The following MAP1S variants were observed in gnomAD, a reference collection of about 807,000 sequenced individuals.
MAP1S encodes the protein microtubule-associated protein 1S.
In MAP1S, 27 loss-of-function variants were observed where a neutral mutation model predicts 60.9. That is an observed-to-expected ratio of 0.44 (90% confidence interval 0.33 to 0.61). The LOEUF is 0.61. Among genes scored for constraint, MAP1S ranks in the 20% least tolerant of loss-of-function variants. MAP1S has a pLI of 0.03. For synonymous variants in MAP1S, 826 were observed against 694.2 expected (o/e 1.19, Z -2.98); for missense variants, 1,608 against 1,486.6 (o/e 1.08, Z -1.34).
intron 5 of MAP1S, among the ~76,000 whole-genome samples, chr19:17,731,930 G>A (rs1319303673): frequency 6.6e-6 from 1 of 152,228 alleles, no homozygotes; most frequent in Non-Finnish European, 1.5e-5. Context: ...GCCTCCCAAA[G>A]TGCTGGGATT....
rs1220007856 is a variant in MAP1S, at chr19:17,726,332, T to C, written c.948T>C (p.Ala316=). 1 of 1,603,326 alleles carries C rather than the reference T, an allele frequency of 6.2e-7. No individual in the cohort carries two copies. Among genetic ancestry groups the C allele is most frequent in the Non-Finnish European group, 8.5e-7 (1 of 1,178,488 alleles). ...RRKLAERSEV[A]AGGGSWDDRL... is the part of the protein sequence containing the mutation. ...AACTGGCGGAGCGCTCCGAGGTGGC[T>C]GCTGGTGGGGGCTCCTGGGACGACA... Residue 316 remains alanine (A), a synonymous_variant, in exon 5 of 7, where the codon GCT becomes GCC. Coordinates refer to ENST00000324096, the MANE Select transcript of MAP1S (RefSeq NM_018174.6).
At chr19:17,732,351 C>T (rs1245266049) in intron 5 of MAP1S, among the ~76,000 whole-genome samples, 2 of 152,224 alleles carry the variant, frequency 1.3e-5, no homozygotes, top group Admixed American at 6.5e-5. Flanking sequence ...ACCCCCTGAG[C>T]TGGGCAGCAG....
chr19:17,722,533 G>A (rs2080379741), intron 2 of MAP1S, among the ~76,000 whole-genome samples: 1 of 152,138 alleles, frequency 6.6e-6, no homozygotes, highest in African/African-American at 2.4e-5. Context: ...TGGATCACCT[G>A]AGGTCAGGAG....
chr19:17,733,662 C>G (rs2080513477), intron 6 of MAP1S, among the ~76,000 whole-genome samples: 1 of 152,204 alleles, frequency 6.6e-6, no homozygotes. Flanking sequence ...CTCGTGAAGC[C>G]TCATGGTTCT....
Position 17,727,384 on chromosome 19 carries a change from A to G in MAP1S, c.2000A>G (p.Asp667Gly). 6.3e-7 allele frequency: 1 copy of G among 1,592,638 alleles called. No individual in the cohort carries two copies. Among genetic ancestry groups the G allele is most frequent in the Middle Eastern group, 1.7e-4 (1 of 6,014 alleles). ...SPLRGGEAGP[D>G]ASPTVTTPTV... ...CTGCGGGGCGGGGAGGCCGGGCCAG[A>G]CGCCTCACCCACAGTGACCACACCC... The change falls in exon 5 of 7, where the codon GAC (aspartate) becomes GGC (glycine). Residue 667 changes from aspartate to glycine, a missense_variant. Transcript: ENST00000324096. The surrounding 1 kb of genome is among the most constrained non-coding windows in gnomAD (Gnocchi z 4.1).
chr19:17,734,368 C>A lies in MAP1S; in HGVS notation c.3120C>A (p.Gly1040=). 1 of 1,613,752 alleles carries A rather than the reference C, an allele frequency of 6.2e-7. No homozygotes were observed. Among genetic ancestry groups the A allele is most frequent in the Non-Finnish European group, 8.5e-7 (1 of 1,179,984 alleles). The change falls in exon 7 of 7, where the codon GGC becomes GGA. Residue 1040 remains glycine (G), a synonymous_variant. Coordinates refer to ENST00000324096, the MANE Select transcript of MAP1S (RefSeq NM_018174.6). ...RHQALGITVL[G]SNSMVSMQDD... ...AGGCGCTGGGCATCACGGTGTTGGG[C>A]AGCAACAGCATGGTGTCCATGCAGG...
rs758151053 is a variant in MAP1S, at chr19:17,727,651, C to T, written c.2267C>T (p.Ala756Val). Residue 756 changes from alanine (A) to valine (V), a missense_variant, in exon 5 of 7, where the codon GCA (alanine) becomes GTA (valine). By Grantham distance (64) the Ala-to-Val change is moderately conservative. Coordinates refer to ENST00000324096, the MANE Select transcript of MAP1S (RefSeq NM_018174.6). This position sits in a 1 kb window ranked among gnomAD's most constrained non-coding sequence, Gnocchi z 4.1. The part of the protein sequence containing the change: ...EHRKAVPMAP[A>V]PASPGSSNDS... ...CGCAAGGCGGTGCCAATGGCACCGGCACCTGCGTCCCCCGGCAGCTCGAAT... is the reference window on the plus strand; with the variant it reads ...CGCAAGGCGGTGCCAATGGCACCGGTACCTGCGTCCCCCGGCAGCTCGAAT... 2.1e-5 allele frequency: 33 copies of T among 1,608,676 alleles called. No homozygotes were observed. Among genetic ancestry groups the T allele is most frequent in the Non-Finnish European group, 2.8e-5 (33 of 1,179,706 alleles).
At position 17,726,391 on chromosome 19, in the gene MAP1S, T is replaced by TC. The variant is rs1197743491; in HGVS notation, c.1008dup (p.Val337ArgfsTer18). The TC allele has an allele frequency of 6.3e-7, 1 of 1,590,446 alleles. No individual in the cohort carries two copies. Among genetic ancestry groups the TC allele is most frequent in the Non-Finnish European group, 8.5e-7 (1 of 1,175,592 alleles). ...AGGCTCATCTCCCCCAACCTGGGGG[T>TC]CGTGTTCTTCAACGCCTGCGAGGCC... On this transcript the variant is annotated frameshift_variant, in exon 5 of 7. Transcript: ENST00000324096. LOFTEE classifies it high-confidence loss of function.
At position 17,727,170 on chromosome 19, in the gene MAP1S, GCAGCCTGCGGCT is replaced by G. The variant is rs762068993; in HGVS notation, c.1788_1799del (p.Ala597_Ser600del). 1.3e-6 allele frequency: 2 copies of G among 1,584,646 alleles called. No individual in the cohort carries two copies. Among genetic ancestry groups the G allele is most frequent in the South Asian group, 1.1e-5 (1 of 87,940 alleles). On this transcript the variant is annotated inframe_deletion, in exon 5 of 7. Transcript: ENST00000324096. The surrounding 1 kb of genome is among the most constrained non-coding windows in gnomAD (Gnocchi z 4.1). ...ATGTGGAGAAGCCAGCCCCCCCAGT[GCAGCCTGCGGCT>G]CTCCGGCCTCCCAGCTGGTGGCCAC...
chr19:17,727,643 G>T lies in MAP1S; in HGVS notation c.2259G>T (p.Met753Ile), dbSNP rs756690190. ...TTGAGCATCGCAAGGCGGTGCCAAT[G>T]GCACCGGCACCTGCGTCCCCCGGCA... is the stretch of plus-strand genomic sequence containing the variant. ...CEFEHRKAVP[M>I]APAPASPGSS... The change falls in exon 5 of 7, where the codon ATG becomes ATT. Residue 753 changes from methionine to isoleucine, a missense_variant. This residue lies in a region of MAP1S where 1,167 missense variants were observed against 961.4 expected (regional missense o/e 1.21). Transcript: ENST00000324096. This position sits in a 1 kb window ranked among gnomAD's most constrained non-coding sequence, Gnocchi z 4.1. 1 of 1,608,330 alleles carries T rather than the reference G, an allele frequency of 6.2e-7. No homozygotes were observed. Among genetic ancestry groups the T allele is most frequent in the South Asian group, 1.1e-5 (1 of 91,028 alleles).
At chr19:17,733,062 C>G (rs2080505623) in intron 5 of MAP1S, 131 bp from the exon 6 acceptor site, 1 of 610,180 alleles carries the variant, frequency 1.6e-6, no homozygotes, top group Admixed American at 3.1e-5. Flanking sequence ...ACCAGGCCTC[C>G]CCAGAAAACT....
At chr19:17,733,873 C>T (rs2080515304) in intron 6 of MAP1S, among the ~76,000 whole-genome samples, 1 of 152,224 alleles carries the variant, frequency 6.6e-6, no homozygotes, top group Admixed American at 6.5e-5. Flanking sequence ...GGCCCCTGCC[C>T]TCTCATAGCT....
Position 17,725,080 on chromosome 19 carries a change from A to T in MAP1S, c.335A>T (p.His112Leu), listed in dbSNP as rs760764514. The T allele has an allele frequency of 2.5e-6, 4 of 1,614,022 alleles. No homozygotes were observed. Among genetic ancestry groups the T allele is most frequent in the Admixed American group, 1.7e-5 (1 of 60,008 alleles). ...LRNLLLDPASHKLLVLAGPCL... is the reference protein window; with the variant it reads ...LRNLLLDPASLKLLVLAGPCL... ...AACCTTCTGTTGGACCCTGCCTCTCACAAGCTACTGGTGTTGGCTGGGCCC... is the reference window on the plus strand; with the variant it reads ...AACCTTCTGTTGGACCCTGCCTCTCTCAAGCTACTGGTGTTGGCTGGGCCC... Residue 112 changes from histidine to leucine, a missense_variant, in exon 4 of 7, where the codon CAC becomes CTC. By Grantham distance (99) the His-to-Leu change is moderately conservative. This residue lies in a region of MAP1S where 320 missense variants were observed against 393.1 expected (regional missense o/e 0.81). Transcript: ENST00000324096. This position sits in a 1 kb window ranked among gnomAD's most constrained non-coding sequence, Gnocchi z 4.2.
At chr19:17,720,077 T>G in intron 1 of MAP1S, 3 of 1,121,184 alleles carry the variant, frequency 2.7e-6, no homozygotes, top group South Asian at 3.2e-5. Context: ...GGGGCCCGCT[T>G]TCTGTTGCCT....
At position 17,734,442 on chromosome 19, in the gene MAP1S, A is replaced by G. The variant is rs1914696849; in HGVS notation, c.*14A>G. 6.3e-7 allele frequency: 1 copy of G among 1,595,952 alleles called. No individual in the cohort carries two copies. Among genetic ancestry groups the G allele is most frequent in the Non-Finnish European group, 8.5e-7 (1 of 1,170,272 alleles). On this transcript the variant is annotated 3_prime_UTR_variant, in exon 7 of 7. Coordinates refer to ENST00000324096, the MANE Select transcript of MAP1S (RefSeq NM_018174.6). ...GTGGAGTTCTAGCCCCATCGCCGACACGCCCCCCACTCAGCCCAGCCCGCC... is the reference window on the plus strand; with the variant it reads ...GTGGAGTTCTAGCCCCATCGCCGACGCGCCCCCCACTCAGCCCAGCCCGCC...
At chr19:17,723,985 G>C (rs914855175) in intron 2 of MAP1S, 141 bp from the exon 3 acceptor site, 2 of 637,328 alleles carry the variant, frequency 3.1e-6, no homozygotes, top group Non-Finnish European at 5.6e-6. Flanking sequence ...TCTCTTTCTT[G>C]CCTGGTCCTG....
At chr19:17,732,396 T>C (rs1434381798) in intron 5 of MAP1S, among the ~76,000 whole-genome samples, 1 of 152,328 alleles carries the variant, frequency 6.6e-6, no homozygotes, top group Middle Eastern at 3.4e-3. Flanking sequence ...GGCAGGCTTC[T>C]TGTGCCCGAG....
At chr19:17,720,295 A>G in intron 1 of MAP1S, 2 of 1,436,414 alleles carry the variant, frequency 1.4e-6, no homozygotes, top group South Asian at 2.8e-5. Context: ...ATTGCATGTA[A>G]AATGGGACAG....
chr19:17,725,850 A>T lies in MAP1S; in HGVS notation c.466A>T (p.Thr156Ser), dbSNP rs950859586. 1.9e-6 allele frequency: 3 copies of T among 1,612,352 alleles called. No individual in the cohort carries two copies. Among genetic ancestry groups the T allele is most frequent in the Non-Finnish European group, 8.5e-7 (1 of 1,179,664 alleles). The change falls in exon 5 of 7, where the codon ACG becomes TCG. Residue 156 changes from threonine (T) to serine (S), a missense_variant. Physicochemically the swap from Thr to Ser is moderately conservative, Grantham distance 58 (BLOSUM62 1). This residue lies in a region of MAP1S where 320 missense variants were observed against 393.1 expected (regional missense o/e 0.81). Coordinates refer to ENST00000324096, the MANE Select transcript of MAP1S (RefSeq NM_018174.6). This position sits in a 1 kb window ranked among gnomAD's most constrained non-coding sequence, Gnocchi z 4.2. ...DREIRDILAT[T>S]PPPVQPPILT... ...ACAGATCCGGGACATCCTGGCCACC[A>T]CGCCCCCACCTGTGCAGCCGCCCAT...
Sources: allele counts gnomAD v4.1 joint callset (sites outside exome capture counted in the v4.1 genomes callset), GRCh38; gene constraint gnomAD v4.1.1; regional missense constraint gnomAD v4.1.1; non-coding constraint Gnocchi (gnomAD v3.1); transcripts MANE v1.5; gene names NCBI Gene and HGNC (gene_info 2026-07-23, HGNC 2026-07-21).